PEAK1: variants seen among roughly 807,000 people sequenced by gnomAD.
The protein encoded by PEAK1 is inactive tyrosine-protein kinase PEAK1.
PEAK1 carries 54 observed loss-of-function variants against 124.7 expected under a neutral mutation model. The observed-to-expected ratio is 0.43, with a 90% confidence interval of 0.35 to 0.54. The LOEUF (loss-of-function observed/expected upper bound fraction) is 0.54. PEAK1 is among the 20% of genes least tolerant of loss of function. The pLI is 0.01. For synonymous variants in PEAK1, 719 were observed against 760.0 expected (o/e 0.95, Z 0.89); for missense variants, 2,046 against 2,134.5 (o/e 0.96, Z 0.82).
downstream of PEAK1, chr15:77,106,261 T>C (rs910229919): frequency 6.6e-6 from 1 of 152,220 alleles, no homozygotes; most frequent in African/African-American, 2.4e-5. Context: ...CTCGAAGTTA[T>C]TGCCAGATCA....
intron 1 of PEAK1, among the ~76,000 whole-genome samples, chr15:77,390,886 A>G (rs2070393646): frequency 6.6e-6 from 1 of 152,204 alleles, no homozygotes; most frequent in African/African-American, 2.4e-5. Flanking sequence ...CTGGGGCACA[A>G]TCCAGTAGAC....
chr15:77,199,189 C>A (rs1281079296), intron 6 of PEAK1, among the ~76,000 whole-genome samples: 1 of 152,192 alleles, frequency 6.6e-6, no homozygotes, highest in Non-Finnish European at 1.5e-5. Context: ...AATGAGAACC[C>A]TTTTTCCAGA....
Position 77,417,913 on chromosome 15 carries a change from TA to T in PEAK1, c.-666+2092del, listed in dbSNP as rs2073019622. On this transcript the variant is annotated intron_variant, in intron 1 of 9. Transcript: ENST00000682557. ...AAAAACATGTATGCAAATAAGCAAA[TA>T]AAAGTTTTTAAGCTCTCAGACTTAA... The T allele has an allele frequency of 8.1e-6, 8 of 981,920 alleles. 1 individual carries two copies. In the South Asian group the frequency reaches 2.8e-4, roughly 35 times the overall value. 60.8% of individuals were successfully genotyped at this position (981,920 alleles called of 1,614,324 possible). A position where few individuals can be genotyped will look rare whatever the true frequency, so the allele number is the denominator to read the frequency against.
Position 77,313,708 on chromosome 15 carries a change from A to ATGTG in PEAK1, c.-602-27208_-602-27205dup, listed in dbSNP as rs1216011901. 2.0e-4 allele frequency among the ~76,000 whole-genome samples: 19 copies of ATGTG among 93,756 alleles called. No individual in the cohort carries two copies. In the East Asian group the frequency reaches 2.1e-3, roughly 11 times the overall value. The allele number at this position is 93,756 out of a possible 152,430, so 61.5% of individuals were successfully genotyped here. On this transcript the variant is annotated intron_variant, in intron 2 of 9. Transcript: ENST00000682557. ...TGTGTGTGTGTATATATATATATGT[A>ATGTG]TGTGTGTGTGTGTGTGTGTATATAT...
chr15:77,244,555 T>C (rs932585395), intron 6 of PEAK1, among the ~76,000 whole-genome samples: 3 of 151,992 alleles, frequency 2.0e-5, no homozygotes, highest in African/African-American at 7.2e-5. Flanking sequence ...AGTGTTTTGT[T>C]ATTACTTATA....
chr15:77,363,330 T>C (rs1171879992), intron 2 of PEAK1, among the ~76,000 whole-genome samples: 1 of 152,202 alleles, frequency 6.6e-6, no homozygotes, highest in East Asian at 1.9e-4. Context: ...CGTATCTACA[T>C]TAGTAGCCCA....
At chr15:77,266,447 C>T (rs1013921966) in intron 5 of PEAK1, among the ~76,000 whole-genome samples, 18 of 152,076 alleles carry the variant, frequency 1.2e-4, no homozygotes, top group Non-Finnish European at 4.4e-5. Flanking sequence ...CCTGAACTTA[C>T]TCCTCTACCT....
At chr15:77,302,889 TA>T (rs35761391) in intron 2 of PEAK1, among the ~76,000 whole-genome samples, 2 of 152,134 alleles carry the variant, frequency 1.3e-5, no homozygotes, top group African/African-American at 2.4e-5. Flanking sequence ...CTTATCACCC[TA>T]AAAAAGTCCT....
chr15:77,394,957 C>T (rs1404953277), intron 1 of PEAK1, among the ~76,000 whole-genome samples: 1 of 152,182 alleles, frequency 6.6e-6, no homozygotes, highest in Non-Finnish European at 1.5e-5. Flanking sequence ...AAAACATTTA[C>T]TGTACCCCAT....
At position 77,211,980 on chromosome 15, in the gene PEAK1, T is replaced by C. The variant is rs544473264; in HGVS notation, c.-114-29940A>G. ...TTTTCATAAAACATTTATTCATTAT[T>C]ATTTACTGAGTTCCTCATCTTATCC... On this transcript the variant is annotated intron_variant, in intron 6 of 9. Transcript: ENST00000682557. Among the ~76,000 whole-genome samples, 41 of 152,268 alleles carry C rather than the reference T, an allele frequency of 2.7e-4. 1 individual carries two copies. In the South Asian group the frequency reaches 8.1e-3, roughly 30 times the overall value.
In PEAK1 at chr15:77,179,480, C is replaced by T. The variant is rs751571479; in HGVS notation, c.2447G>A (p.Arg816Gln). The change falls in exon 7 of 10, where the codon CGG becomes CAG. Residue 816 changes from arginine to glutamine, a missense_variant. Transcript: ENST00000682557. Reference protein sequence around the residue: ...AKSTPKSTPVRPKSLFTSQPS... With the variant: ...AKSTPKSTPVQPKSLFTSQPS... ...CTGAGATGTAAAGAGAGATTTGGGCCGGACTGGCGTACTCTTAGGTGTGCT... is the reference window on the plus strand; with the variant it reads ...CTGAGATGTAAAGAGAGATTTGGGCTGGACTGGCGTACTCTTAGGTGTGCT... 2.4e-5 allele frequency: 38 copies of T among 1,613,870 alleles called. 1 individual carries two copies. Among genetic ancestry groups the T allele is most frequent in the Admixed American group, 3.3e-5 (2 of 59,950 alleles).
intron 1 of PEAK1, among the ~76,000 whole-genome samples, chr15:77,396,814 G>C (rs1195479989): frequency 2.6e-5 from 4 of 151,958 alleles, no homozygotes; most frequent in Admixed American, 1.3e-4. Flanking sequence ...AAGCAAGCAA[G>C]AGAGAGAGAG....
rs35915780 is a variant in PEAK1 at position 77,384,190 on chromosome 15, C to CAA, written c.-665-18967_-665-18966dup. On this transcript the variant is annotated intron_variant, in intron 1 of 9. Coordinates refer to ENST00000682557, the MANE Select transcript of PEAK1 (RefSeq NM_001385026.1). ...ACCTAGCTAGATCTGAAATTTAGTG[C>CAA]AAAAAAAAAAAACAAGCTCACAAAC... Among the ~76,000 whole-genome samples the CAA allele has an allele frequency of 9.0e-3, 1,250 of 138,428 alleles. 21 individuals are homozygous for CAA. The highest frequency in any genetic ancestry group is 0.031 in the African/African-American group (1,183 of 37,622). The allele number at this position is 138,428 out of a possible 152,430, so 90.8% of individuals were successfully genotyped here. A position where few individuals can be genotyped will look rare whatever the true frequency, so the allele number is the denominator to read the frequency against.
chr15:77,261,476 C>T (rs2152939079), intron 5 of PEAK1, among the ~76,000 whole-genome samples: 1 of 152,124 alleles, frequency 6.6e-6, no homozygotes, highest in Non-Finnish European at 1.5e-5. Context: ...GTGATGAATG[C>T]ACGAGCCTCA....
chr15:77,350,356 C>T (rs1187686613), intron 2 of PEAK1: 7 of 985,242 alleles, frequency 7.1e-6, no homozygotes, highest in Non-Finnish European at 7.2e-6. Context: ...ATCAAATTAA[C>T]TACTTAGCTC....
Position 77,133,516 on chromosome 15 carries a change from T to A in PEAK1, c.3566A>T (p.Asp1189Val), listed in dbSNP as rs755854402. 103 of 1,614,086 alleles carry A rather than the reference T, an allele frequency of 6.4e-5. No homozygotes were observed. Among genetic ancestry groups the A allele is most frequent in the Non-Finnish European group, 7.9e-5 (93 of 1,180,038 alleles). ...GCTGGCATCCCAGTTGGGGTCGATA[T>A]CATAGGTGGGATTAGCCATGACACA... Reference protein sequence around the residue: ...SLCVMANPTYDIDPNWDASSA... With the variant: ...SLCVMANPTYVIDPNWDASSA... Residue 1189 changes from aspartate to valine, a missense_variant, in exon 9 of 10, where the codon GAT (aspartate) becomes GTT (valine). Transcript: ENST00000682557. The surrounding 1 kb of genome is among the most constrained non-coding windows in gnomAD (Gnocchi z 4.2).
intron 7 of PEAK1, among the ~76,000 whole-genome samples, chr15:77,171,157 A>T (rs2056475654): frequency 6.6e-6 from 1 of 152,170 alleles, no homozygotes; most frequent in African/African-American, 2.4e-5. Flanking sequence ...AAAATCTACA[A>T]GATAAAAGCC....
intron 1 of PEAK1, chr15:77,418,006 G>T: frequency 2.1e-6 from 2 of 973,332 alleles, no homozygotes; most frequent in Non-Finnish European, 2.4e-6. Context: ...TGCATTCCAG[G>T]AACATATTTT....
At chr15:77,329,657 T>C (rs924948861) in intron 2 of PEAK1, among the ~76,000 whole-genome samples, 2 of 152,182 alleles carry the variant, frequency 1.3e-5, no homozygotes. Context: ...ATACCTCTCA[T>C]TCATTAGCAA....
Sources: allele counts gnomAD v4.1 joint callset (sites outside exome capture counted in the v4.1 genomes callset), GRCh38; gene constraint gnomAD v4.1.1; non-coding constraint Gnocchi (gnomAD v3.1); transcripts MANE v1.5; gene names NCBI Gene and HGNC (gene_info 2026-07-23, HGNC 2026-07-21).